SLC5A1: variants seen among roughly 807,000 people sequenced by gnomAD.
The protein encoded by SLC5A1 is sodium/glucose cotransporter 1.
SLC5A1 carries 42 observed loss-of-function variants against 73.5 expected under a neutral mutation model. The ratio of observed to expected loss-of-function variants is 0.57; its 90% confidence interval spans 0.45 to 0.74. SLC5A1 has a LOEUF of 0.74. Among genes scored for constraint, SLC5A1 ranks in the 30% least tolerant of loss-of-function variants. The pLI is 0.00. For missense variants in SLC5A1, 634 were observed against 855.4 expected, an observed-to-expected ratio of 0.74 and a Z score of 3.23; for synonymous variants, 300 against 317.4, an observed-to-expected ratio of 0.95 and a Z score of 0.58.
chr22:32,063,333 T>A (rs2093966738), intron 2 of SLC5A1, among the ~76,000 whole-genome samples: 1 of 152,144 alleles, frequency 6.6e-6, no homozygotes. Flanking sequence ...GGACACTGAT[T>A]GAGAATCAGC....
chr22:32,096,746 G>T (rs192729998), intron 11 of SLC5A1, among the ~76,000 whole-genome samples: 2 of 152,158 alleles, frequency 1.3e-5, no homozygotes, highest in Non-Finnish European at 2.9e-5. Flanking sequence ...TTTCTATGGG[G>T]CTAATGCAGG....
In SLC5A1 at chr22:32,066,829, T is replaced by C. The variant is rs144072382; in HGVS notation, c.208-106T>C. The C allele has an allele frequency of 1.9e-4, 148 of 790,312 alleles. No individual in the cohort carries two copies. In the Middle Eastern group the frequency reaches 2.3e-3, roughly 12 times the overall value. 49.0% of individuals were successfully genotyped at this position (790,312 alleles called of 1,614,324 possible). A position where few individuals can be genotyped will look rare whatever the true frequency, so the allele number is the denominator to read the frequency against. On this transcript the variant is annotated intron_variant, in intron 2 of 14. Transcript: ENST00000266088. Reference sequence around the variant, plus strand: ...CAGTTTTCTCCCAGCCCACCTCTGCTCTTTCTTGTCCTTCTCTTGGCTGAC... The same window carrying C: ...CAGTTTTCTCCCAGCCCACCTCTGCCCTTTCTTGTCCTTCTCTTGGCTGAC...
In SLC5A1 at chr22:32,110,547, G is replaced by A. The variant is rs199902294; in HGVS notation, c.*334G>A. 17 of 387,404 alleles carry A rather than the reference G, an allele frequency of 4.4e-5. No individual in the cohort carries two copies. Among genetic ancestry groups the A allele is most frequent in the Non-Finnish European group, 4.9e-5 (10 of 204,736 alleles). 24.0% of individuals were successfully genotyped at this position (387,404 alleles called of 1,614,324 possible). Reference sequence around the variant, plus strand: ...TCAGGTAGATTCCGGGTGTCAGTGTGGTTTATAATCCTTGAATATTGTTTT... The same window carrying A: ...TCAGGTAGATTCCGGGTGTCAGTGTAGTTTATAATCCTTGAATATTGTTTT... On this transcript the variant is annotated 3_prime_UTR_variant, in exon 15 of 15. Coordinates refer to ENST00000266088, the MANE Select transcript of SLC5A1 (RefSeq NM_000343.4).
At chr22:32,048,016 G>A (rs957170610) in intron 1 of SLC5A1, among the ~76,000 whole-genome samples, 6 of 152,020 alleles carry the variant, frequency 3.9e-5, no homozygotes, top group African/African-American at 1.2e-4. Context: ...GCCAGGCGTG[G>A]TGGTGTGTGC....
chr22:32,093,650 C>A (rs979717772), intron 11 of SLC5A1, among the ~76,000 whole-genome samples: 3 of 151,776 alleles, frequency 2.0e-5, no homozygotes, highest in Admixed American at 6.6e-5. Flanking sequence ...AGCTTGGTCA[C>A]TGTTGATGTA....
chr22:32,056,633 C>T (rs1399231635), intron 2 of SLC5A1, among the ~76,000 whole-genome samples: 1 of 152,122 alleles, frequency 6.6e-6, no homozygotes, highest in East Asian at 1.9e-4. Context: ...AGGAGTCCAG[C>T]ACAGCCTAGA....
At position 32,082,383 on chromosome 22, in the gene SLC5A1, T is replaced by C. The variant is rs962533533; in HGVS notation, c.583+412T>C. 4.6e-5 allele frequency among the ~76,000 whole-genome samples: 7 copies of C among 152,074 alleles called. No homozygotes were observed. The South Asian group carries it at 6.2e-4, about 14-fold the overall frequency. On this transcript the variant is annotated intron_variant, in intron 6 of 14. Transcript: ENST00000266088. ...ATCGTGGGGGTTTGTGGGGACCATA[T>C]AGCTTGATAGTTCAGATGAGGTCAC... is the stretch of plus-strand genomic sequence containing the variant.
Position 32,076,485 on chromosome 22 carries a change from G to A in SLC5A1, c.478-5381G>A, listed in dbSNP as rs564518488. 1.6e-4 allele frequency among the ~76,000 whole-genome samples: 25 copies of A among 152,280 alleles called. No individual in the cohort carries two copies. In the South Asian group the frequency reaches 4.3e-3, roughly 26 times the overall value. On this transcript the variant is annotated intron_variant, in intron 5 of 14. Transcript: ENST00000266088. ...ACTGAATGTTCATGTCCCCATTTGT[G>A]TTTCCTAGGGCTGTTATCACAGATC...
chr22:32,083,084 G>T lies in SLC5A1; in HGVS notation c.594G>T (p.Ala198=), dbSNP rs184213779. 8 of 1,614,032 alleles carry T rather than the reference G, an allele frequency of 5.0e-6. No individual in the cohort carries two copies. The East Asian group carries it at 1.8e-4, about 36-fold the overall frequency. Residue 198 remains alanine, a synonymous_variant, in exon 7 of 15, where the codon GCG becomes GCT. Coordinates refer to ENST00000266088, the MANE Select transcript of SLC5A1 (RefSeq NM_000343.4). Reference sequence around the variant, plus strand: ...TTCTTGCCTGCTTAGGGGGCCTGGCGGCGGTGATTTACACGGACACCTTGC... The same window carrying T: ...TTCTTGCCTGCTTAGGGGGCCTGGCTGCGGTGATTTACACGGACACCTTGC... ...TALYTITGGL[A]AVIYTDTLQT...
In SLC5A1 at chr22:32,059,777, G is replaced by A. The variant is rs556581775; in HGVS notation, c.208-7158G>A. ...CTCTTGAGGAGATAAATTGTTTGCGGAATGATTTCCCACCAAGATTTTGAG... is the reference window on the plus strand; with the variant it reads ...CTCTTGAGGAGATAAATTGTTTGCGAAATGATTTCCCACCAAGATTTTGAG... On this transcript the variant is annotated intron_variant, in intron 2 of 14. Transcript: ENST00000266088. Among the ~76,000 whole-genome samples, 118 of 152,258 alleles carry A rather than the reference G, an allele frequency of 7.7e-4. 1 individual carries two copies. Among genetic ancestry groups the A allele is most frequent in the Middle Eastern group, 3.4e-3 (1 of 294 alleles).
intron 10 of SLC5A1, among the ~76,000 whole-genome samples, chr22:32,089,463 AAG>A (rs1417120931): frequency 1.3e-5 from 2 of 152,180 alleles, no homozygotes; most frequent in Non-Finnish European, 2.9e-5. Context: ...TAACCAGCTG[AAG>A]TTTAATAGAG....
At chr22:32,062,080 G>A (rs2093964069) in intron 2 of SLC5A1, among the ~76,000 whole-genome samples, 1 of 152,218 alleles carries the variant, frequency 6.6e-6, no homozygotes, top group South Asian at 2.1e-4. Flanking sequence ...AAGGGTGGAA[G>A]CAGGACTGAT....
At position 32,112,363 on chromosome 22, in the gene SLC5A1, A is replaced by T. The variant is rs912830971; in HGVS notation, c.*2150A>T. On this transcript the variant is annotated 3_prime_UTR_variant, in exon 15 of 15. Coordinates refer to ENST00000266088, the MANE Select transcript of SLC5A1 (RefSeq NM_000343.4). ...TTCCTCACCTTGGCTGAGTCCCTAA[A>T]ACTCTCTGAACCTCAGGTTCCTCCA... 1.3e-5 allele frequency: 2 copies of T among 152,124 alleles called. No homozygotes were observed. Among genetic ancestry groups the T allele is most frequent in the African/African-American group, 4.8e-5 (2 of 41,418 alleles). 9.4% of individuals were successfully genotyped at this position (152,124 alleles called of 1,614,324 possible).
chr22:32,076,391 T>C (rs1440687454), intron 5 of SLC5A1, among the ~76,000 whole-genome samples: 1 of 152,252 alleles, frequency 6.6e-6, no homozygotes, highest in Non-Finnish European at 1.5e-5. Context: ...TTTCCCGGCA[T>C]GTGCATCTTA....
chr22:32,103,524 C>T (rs2094039998), intron 13 of SLC5A1, among the ~76,000 whole-genome samples: 1 of 152,200 alleles, frequency 6.6e-6, no homozygotes, highest in Admixed American at 6.5e-5. Flanking sequence ...TCTCTGAAAC[C>T]TGCTCCCCAA....
intron 2 of SLC5A1, among the ~76,000 whole-genome samples, chr22:32,053,324 T>C (rs899179061): frequency 2.0e-5 from 3 of 152,118 alleles, no homozygotes; most frequent in African/African-American, 7.2e-5. Context: ...CTCCACCTTC[T>C]CTTCCTCCTT....
chr22:32,105,135 G>A (rs1302697880), intron 14 of SLC5A1, among the ~76,000 whole-genome samples: 3 of 152,094 alleles, frequency 2.0e-5, no homozygotes, highest in Admixed American at 1.3e-4. Context: ...AAATTTTTGT[G>A]AGTACGTAGT....
At chr22:32,062,583 G>T (rs1369656361) in intron 2 of SLC5A1, among the ~76,000 whole-genome samples, 1 of 152,168 alleles carries the variant, frequency 6.6e-6, no homozygotes, top group Admixed American at 6.5e-5. Flanking sequence ...GTGAGATCAA[G>T]TTGGGGAAAT....
intron 7 of SLC5A1, among the ~76,000 whole-genome samples, chr22:32,083,715 G>A (rs1186091562): frequency 6.6e-6 from 1 of 151,008 alleles, no homozygotes; most frequent in Non-Finnish European, 1.5e-5. Context: ...TTAAAGATGA[G>A]ACTGGAGAAC....
Sources: gnomAD v4.1 joint callset for allele counts (sites outside exome capture counted in the v4.1 genomes callset) on GRCh38, gnomAD v4.1.1 for gene constraint, MANE v1.5 for transcripts, NCBI Gene and HGNC (gene_info 2026-07-23, HGNC 2026-07-21) for gene names.